The following AP2B1 variants were observed in gnomAD, a reference collection of about 807,000 sequenced individuals.
The protein encoded by AP2B1 is adaptor related protein complex 2 subunit beta 1, also known as AP-2 complex subunit beta.
Under a neutral mutation model 102.0 loss-of-function variants are expected in AP2B1, and 23 were observed. That is an observed-to-expected ratio of 0.23 (90% CI 0.16 to 0.32). The LOEUF (loss-of-function observed/expected upper bound fraction) is 0.32, where lower values mean the gene tolerates loss of function less well. Among genes scored for constraint, AP2B1 ranks in the 10% least tolerant of loss-of-function variants. The pLI, the probability that AP2B1 is intolerant of heterozygous loss-of-function variation, is 1.00. For missense variants in AP2B1, 541 were observed against 1,157.4 expected (o/e 0.47, Z 7.73); for synonymous variants, 381 against 421.2 (o/e 0.90, Z 1.17).
chr17:35,713,474 C>T lies in AP2B1; in HGVS notation c.2626+3154C>T, dbSNP rs200550336. Among the ~76,000 whole-genome samples, 18 of 152,276 alleles carry T rather than the reference C, an allele frequency of 1.2e-4. No individual in the cohort carries two copies. The East Asian group carries it at 1.7e-3, about 15-fold the overall frequency. On this transcript the variant is annotated intron_variant, in intron 20 of 21. Coordinates refer to ENST00000610402, the MANE Select transcript of AP2B1 (RefSeq NM_001030006.2). Reference sequence around the variant, plus strand: ...TGGCCTTTAGATTTCCTTCCAGTCTCGAGGGCTCTATTAACATGAACGTTT... The same window carrying T: ...TGGCCTTTAGATTTCCTTCCAGTCTTGAGGGCTCTATTAACATGAACGTTT...
At chr17:35,641,790 T>G (rs957468792) in intron 11 of AP2B1, 87 bp from the exon 12 acceptor site, 3 of 940,646 alleles carry the variant, frequency 3.2e-6, no homozygotes, top group Non-Finnish European at 3.2e-6. Context: ...TAGTAATTCA[T>G]AGTTGGGGAA....
At chr17:35,617,124 C>T (rs1015139438) in intron 5 of AP2B1, among the ~76,000 whole-genome samples, 5 of 152,140 alleles carry the variant, frequency 3.3e-5, no homozygotes, top group African/African-American at 7.2e-5. Context: ...GGCACAATCT[C>T]GGCTTACTGC....
At chr17:35,633,528 A>G (rs1017402586) in intron 9 of AP2B1, among the ~76,000 whole-genome samples, 3 of 152,186 alleles carry the variant, frequency 2.0e-5, no homozygotes, top group African/African-American at 7.2e-5. Context: ...TTTCAGGTGT[A>G]CAATAAAGTA....
chr17:35,700,278 C>T (rs1301915718), intron 18 of AP2B1, among the ~76,000 whole-genome samples: 4 of 151,284 alleles, frequency 2.6e-5, no homozygotes, highest in Admixed American at 6.6e-5. Context: ...CCTGTCACTC[C>T]GAGCCATTCC....
chr17:35,634,740 A>G (rs1394407034), intron 9 of AP2B1, among the ~76,000 whole-genome samples: 1 of 152,150 alleles, frequency 6.6e-6, no homozygotes, highest in Non-Finnish European at 1.5e-5. Context: ...TGTAACTTTG[A>G]AAATGTAATG....
chr17:35,608,425 A>G (rs1211073763), intron 5 of AP2B1, 38 bp downstream of exon 5: 1 of 1,610,280 alleles, frequency 6.2e-7, no homozygotes, highest in East Asian at 2.2e-5. Context: ...AGCAGTATTT[A>G]AAATGAGTCC....
intron 2 of AP2B1, chr17:35,596,803 C>A: frequency 1.6e-6 from 1 of 626,474 alleles, no homozygotes. Context: ...TGCATGGGCC[C>A]CCGCAGCGCT....
intron 10 of AP2B1, 55 bp from the exon 11 acceptor site, chr17:35,639,540 T>C: frequency 6.5e-7 from 1 of 1,529,464 alleles, no homozygotes; most frequent in Non-Finnish European, 8.8e-7. Context: ...GCCTTCACTG[T>C]TAAATTAGTT....
At chr17:35,689,368 C>T (rs587646005) in intron 18 of AP2B1, among the ~76,000 whole-genome samples, 8 of 152,006 alleles carry the variant, frequency 5.3e-5, no homozygotes, top group South Asian at 2.1e-4. Flanking sequence ...TTAGTAGAGA[C>T]GGGGTTTCAC....
chr17:35,668,723 C>G (rs1411641095), intron 14 of AP2B1, among the ~76,000 whole-genome samples: 1 of 152,072 alleles, frequency 6.6e-6, no homozygotes, highest in African/African-American at 2.4e-5. Flanking sequence ...CTTTCTTCAC[C>G]TTTGTTCATG....
At chr17:35,600,821 TAA>T (rs144604603) in intron 3 of AP2B1, 18,457 of 159,422 alleles carry the variant, frequency 0.12, 1,195 homozygotes, top group Non-Finnish European at 0.15. Context: ...CAGTAATTTT[TAA>T]GAGTATGAAG....
rs140922407 is a variant in AP2B1, at chr17:35,590,932, T to C, written c.-23-3076T>C. 4.5e-3 allele frequency among the ~76,000 whole-genome samples: 690 copies of C among 152,230 alleles called. 2 individuals are homozygous for C. Among genetic ancestry groups the C allele is most frequent in the Non-Finnish European group, 7.1e-3 (481 of 68,008 alleles). ...ACTCATGCCTGTAATCCCAGCACTT[T>C]GGGAGGCCGAGGTGGATGGATAACT... On this transcript the variant is annotated intron_variant, in intron 1 of 21. Transcript: ENST00000610402.
At chr17:35,589,835 C>A (rs192595022) in intron 1 of AP2B1, among the ~76,000 whole-genome samples, 3 of 151,968 alleles carry the variant, frequency 2.0e-5, no homozygotes. Context: ...TTTCTCCCCC[C>A]ATAGGAGCAG....
At chr17:35,665,191 A>G (rs1316182164) in intron 14 of AP2B1, among the ~76,000 whole-genome samples, 3 of 139,966 alleles carry the variant, frequency 2.1e-5, no homozygotes, top group Non-Finnish European at 3.0e-5. Flanking sequence ...CAGTGGCACT[A>G]TCACGACATA....
chr17:35,605,561 T>A (rs1481955052), intron 3 of AP2B1, 144 bp from the exon 4 acceptor site: 12 of 682,766 alleles, frequency 1.8e-5, no homozygotes, highest in Non-Finnish European at 2.8e-5. Context: ...GTTTCTTTAG[T>A]AATTCATTTC....
At chr17:35,641,059 A>G (rs1395283403) in intron 11 of AP2B1, among the ~76,000 whole-genome samples, 1 of 152,210 alleles carries the variant, frequency 6.6e-6, no homozygotes. Context: ...AGCAATTTTA[A>G]TAGACCTAAT....
chr17:35,610,722 G>A (rs1468225599), intron 5 of AP2B1, among the ~76,000 whole-genome samples: 6 of 151,698 alleles, frequency 4.0e-5, no homozygotes, highest in African/African-American at 1.5e-4. Context: ...CCTGGCTAAC[G>A]CGGTGAATCC....
intron 5 of AP2B1, among the ~76,000 whole-genome samples, chr17:35,617,243 A>AC (rs1233092820): frequency 2.0e-5 from 3 of 152,146 alleles, no homozygotes; most frequent in African/African-American, 7.2e-5. Context: ...TTTAGTAGAG[A>AC]CAGGGTTTCA....
At chr17:35,656,274 G>GCCAGGGGGCCAGGGGA (rs958580071) in intron 13 of AP2B1, among the ~76,000 whole-genome samples, 1 of 152,010 alleles carries the variant, frequency 6.6e-6, no homozygotes, top group African/African-American at 2.4e-5. Context: ...ACCATAGGGG[G>GCCAGGGGGCCAGGGGA]CCAAGGTTCA....
Sources: gnomAD v4.1 joint callset for allele counts (sites outside exome capture counted in the v4.1 genomes callset) on GRCh38, gnomAD v4.1.1 for gene constraint, MANE v1.5 for transcripts, NCBI Gene and HGNC (gene_info 2026-07-23, HGNC 2026-07-21) for gene names.